Variants in ZNF438 observed in about 807,000 individuals in gnomAD.
ZNF438 encodes the protein zinc finger protein 438.
In ZNF438, 25 loss-of-function variants were observed where a neutral mutation model predicts 38.0. That is an observed-to-expected ratio of 0.66 (90% CI 0.48 to 0.92). The LOEUF is 0.92. ZNF438 is among the 40% of genes least tolerant of loss of function. The probability of loss-of-function intolerance (pLI) is 0.00; values close to 1 mark genes in which losing one functional copy is unlikely to be tolerated. For missense variants in ZNF438, 1,007 were observed against 999.6 expected, an observed-to-expected ratio of 1.01 and a Z score of -0.10; for synonymous variants, 372 against 364.1, an observed-to-expected ratio of 1.02 and a Z score of -0.25.
chr10:30,864,661 A>G (rs1448506267), intron 4 of ZNF438, among the ~76,000 whole-genome samples: 1 of 152,222 alleles, frequency 6.6e-6, no homozygotes, highest in Admixed American at 6.5e-5. Flanking sequence ...CCATATTGAC[A>G]TGGCTTCCTT....
At chr10:30,869,090 C>T (rs1362500998) in intron 4 of ZNF438, among the ~76,000 whole-genome samples, 1 of 152,104 alleles carries the variant, frequency 6.6e-6, no homozygotes, top group Non-Finnish European at 1.5e-5. Context: ...ACAGCTATTT[C>T]GGCCGGCCAC....
At chr10:30,935,418 T>C (rs978272351) in intron 2 of ZNF438, among the ~76,000 whole-genome samples, 4 of 152,130 alleles carry the variant, frequency 2.6e-5, no homozygotes, top group African/African-American at 9.7e-5. Context: ...GAGAGCTGCA[T>C]GTGCAGAGAT....
rs149539941 is a variant in ZNF438 at position 30,887,739 on chromosome 10, T to C, written c.-31-10674A>G. ...CTCCTGTCACTTTACCATACCTGAC[T>C]AAAACAAACCCAAGTACATTTTAAA... On this transcript the variant is annotated intron_variant, in intron 3 of 5. Coordinates refer to ENST00000413025, the Ensembl canonical transcript of ZNF438. 3.7e-3 allele frequency among the ~76,000 whole-genome samples: 564 copies of C among 152,236 alleles called. 5 individuals carry two copies. The highest frequency in any genetic ancestry group is 0.011 in the African/African-American group (460 of 41,528).
At chr10:30,968,441 T>C (rs1042422041) in intron 1 of ZNF438, among the ~76,000 whole-genome samples, 84 of 140,606 alleles carry the variant, frequency 6.0e-4, no homozygotes, top group African/African-American at 2.1e-3. Context: ...AAACTTTTTT[T>C]TTTTTTTTTT....
chr10:30,927,270 C>T (rs2045061229), intron 2 of ZNF438, among the ~76,000 whole-genome samples: 1 of 151,198 alleles, frequency 6.6e-6, no homozygotes, highest in Admixed American at 6.6e-5. Context: ...AAGCCTTTGA[C>T]TGTTTGACCC....
At chr10:30,877,150 T>G in intron 3 of ZNF438, 85 bp from the exon 5 acceptor site, 1 of 676,572 alleles carries the variant, frequency 1.5e-6, no homozygotes. Flanking sequence ...TTCTAAGCTG[T>G]TTTTTAAAGT....
intron 1 of ZNF438, among the ~76,000 whole-genome samples, chr10:30,980,380 C>T (rs1292851570): frequency 6.6e-6 from 1 of 151,644 alleles, no homozygotes; most frequent in Non-Finnish European, 1.5e-5. Context: ...CAGTGACTTA[C>T]AATAGGGCAG....
intron 1 of ZNF438, among the ~76,000 whole-genome samples, chr10:31,027,737 T>C (rs1350838238): frequency 6.6e-6 from 1 of 152,162 alleles, no homozygotes; most frequent in Non-Finnish European, 1.5e-5. Context: ...ATTTAAAACG[T>C]TGTGAACTGC....
At chr10:30,997,575 A>ATTTTTTTTTTTTTTT (rs35100326) in intron 1 of ZNF438, among the ~76,000 whole-genome samples, 1 of 143,414 alleles carries the variant, frequency 7.0e-6, no homozygotes, top group Non-Finnish European at 1.5e-5. Context: ...ACAAAATCCT[A>ATTTTTTTTTTTTTTT]TTTTTTTTTT....
At chr10:30,901,866 T>C (rs1353398606) in intron 3 of ZNF438, among the ~76,000 whole-genome samples, 1 of 152,178 alleles carries the variant, frequency 6.6e-6, no homozygotes, top group African/African-American at 2.4e-5. Flanking sequence ...GAGTTTCTTC[T>C]TTCTGGTGGG....
intron 4 of ZNF438, among the ~76,000 whole-genome samples, chr10:30,869,380 C>T (rs2037008639): frequency 8.0e-6 from 1 of 125,756 alleles, no homozygotes; most frequent in African/African-American, 3.1e-5. Context: ...GTCTCAAAAA[C>T]AAAACAAAAA....
intron 1 of ZNF438, among the ~76,000 whole-genome samples, chr10:30,994,776 C>T (rs1468285430): frequency 6.6e-6 from 1 of 152,120 alleles, no homozygotes; most frequent in African/African-American, 2.4e-5. Flanking sequence ...CACATCTGTA[C>T]CTCCAGCATC....
intron 3 of ZNF438, among the ~76,000 whole-genome samples, chr10:30,887,018 C>T (rs1358198499): frequency 6.6e-6 from 1 of 152,102 alleles, no homozygotes; most frequent in Non-Finnish European, 1.5e-5. Context: ...TAGCTAATTC[C>T]TATATATTGC....
intron 2 of ZNF438, among the ~76,000 whole-genome samples, chr10:30,925,447 T>C (rs1480033495): frequency 1.3e-5 from 2 of 152,214 alleles, no homozygotes; most frequent in Admixed American, 1.3e-4. Flanking sequence ...TAAAAGAATG[T>C]ATAATACAAA....
intron 2 of ZNF438, among the ~76,000 whole-genome samples, chr10:30,924,651 T>C (rs1384254740): frequency 2.0e-5 from 3 of 152,346 alleles, no homozygotes; most frequent in African/African-American, 7.2e-5. Context: ...TGATGTGATA[T>C]AATAATGAGA....
At chr10:30,856,637 A>C (rs1204183541) in intron 4 of ZNF438, among the ~76,000 whole-genome samples, 1 of 152,148 alleles carries the variant, frequency 6.6e-6, no homozygotes, top group Non-Finnish European at 1.5e-5. Flanking sequence ...TGAGAAGTAA[A>C]AATTTCCACT....
At chr10:30,867,138 G>C (rs535629483) in intron 4 of ZNF438, among the ~76,000 whole-genome samples, 4 of 152,192 alleles carry the variant, frequency 2.6e-5, no homozygotes, top group African/African-American at 9.6e-5. Flanking sequence ...TATCTGAAAA[G>C]CCTACCAAAA....
intron 1 of ZNF438, among the ~76,000 whole-genome samples, chr10:30,943,097 G>A (rs545601630): frequency 6.6e-6 from 1 of 152,112 alleles, no homozygotes; most frequent in Non-Finnish European, 1.5e-5. Flanking sequence ...CTTTAACAAG[G>A]TTTTTGTCAT....
At position 30,973,501 on chromosome 10, in the gene ZNF438, T is replaced by C. The variant is rs190067363; in HGVS notation, c.-191-31850A>G. ...CCATACAGTGGCACTTAAAAGCCTA[T>C]CACATATATTTTTAAATTCAAGTTT... On this transcript the variant is annotated intron_variant, in intron 1 of 5. Transcript: ENST00000413025. Among the ~76,000 whole-genome samples, 648 of 152,356 alleles carry C rather than the reference T, an allele frequency of 4.3e-3. 10 individuals are homozygous for C. Among genetic ancestry groups the C allele is most frequent in the Non-Finnish European group, 4.1e-3 (281 of 68,038 alleles).
Sources: allele counts gnomAD v4.1 joint callset (sites outside exome capture counted in the v4.1 genomes callset), GRCh38; gene constraint gnomAD v4.1.1; transcripts MANE v1.5; gene names NCBI Gene and HGNC (gene_info 2026-07-23, HGNC 2026-07-21).